The following DMC1 variants were observed in gnomAD, a reference collection of about 807,000 sequenced individuals.
The protein encoded by DMC1 is DNA meiotic recombinase 1.
A neutral mutation model predicts 50.1 loss-of-function variants in DMC1; 27 were observed. The ratio of observed to expected loss-of-function variants is 0.54; its 90% CI spans 0.40 to 0.74. DMC1 has a LOEUF of 0.74. Ranked by LOEUF, DMC1 falls within the 30% of genes least tolerant of loss-of-function variation. The pLI is 0.00. For missense variants in DMC1, 295 were observed against 420.2 expected (o/e 0.70, Z 2.60); for synonymous variants, 148 against 136.1 (o/e 1.09, Z -0.61).
chr22:38,546,672 A>C (rs2090347800), intron 8 of DMC1, among the ~76,000 whole-genome samples: 3 of 152,238 alleles, frequency 2.0e-5, no homozygotes, highest in Admixed American at 2.0e-4. Flanking sequence ...ATTCTATAAT[A>C]GGTCAAGAAG....
chr22:38,537,214 T>A (rs2090223471), intron 12 of DMC1, among the ~76,000 whole-genome samples: 1 of 148,152 alleles, frequency 6.7e-6, no homozygotes, highest in Non-Finnish European at 1.5e-5. Flanking sequence ...ATTCTTTTCT[T>A]TTTTCTTTTT....
intron 12 of DMC1, among the ~76,000 whole-genome samples, chr22:38,526,755 G>A (rs1454473635): frequency 6.6e-6 from 1 of 151,856 alleles, no homozygotes; most frequent in Non-Finnish European, 1.5e-5. Context: ...CCCTTTGCTT[G>A]GATTCCATAT....
At chr22:38,532,318 CT>C (rs1334815968) in intron 12 of DMC1, among the ~76,000 whole-genome samples, 1,753 of 139,528 alleles carry the variant, frequency 0.013, 24 homozygotes, top group African/African-American at 0.04. Flanking sequence ...TATTGTCTTT[CT>C]TTTTTTTTTT....
chr22:38,563,777 G>A (rs1049337335), intron 4 of DMC1, among the ~76,000 whole-genome samples: 6 of 151,350 alleles, frequency 4.0e-5, no homozygotes, highest in African/African-American at 1.5e-4. Flanking sequence ...TCAGCTCACT[G>A]CAAGCTCCAC....
intron 4 of DMC1, 35 bp downstream of exon 4, chr22:38,566,555 C>A (rs994683711): frequency 6.2e-7 from 1 of 1,613,082 alleles, no homozygotes; most frequent in South Asian, 1.1e-5. Flanking sequence ...CAAGGCCCTG[C>A]CAAGCTAAAA....
At chr22:38,530,350 A>AC (rs11570428) in intron 12 of DMC1, among the ~76,000 whole-genome samples, 3,421 of 152,244 alleles carry the variant, frequency 0.022, 50 homozygotes, top group Middle Eastern at 0.051. Context: ...GTGGTTAAAA[A>AC]AAAAAGGGTA....
the DMC1 span, among the ~76,000 whole-genome samples, chr22:38,510,356 G>A: frequency 6.6e-6 from 1 of 152,318 alleles, no homozygotes; most frequent in East Asian, 1.9e-4. Context: ...TCGAGAGCCT[G>A]AGGCAGGAGA....
chr22:38,520,811 C>T lies in DMC1; in HGVS notation c.954-722G>A, dbSNP rs191417086. Among the ~76,000 whole-genome samples, 39 of 152,072 alleles carry T rather than the reference C, an allele frequency of 2.6e-4. No individual in the cohort carries two copies. The East Asian group carries it at 6.8e-3, about 26-fold the overall frequency. On this transcript the variant is annotated intron_variant, in intron 13 of 13. Transcript: ENST00000216024. ...AAATAAATTAAAAGATTACTGAGTA[C>T]CTTCCATGGAAACATAGGTTGTCTA...
chr22:38,554,573 C>T (rs2090449118), intron 6 of DMC1, among the ~76,000 whole-genome samples: 1 of 151,884 alleles, frequency 6.6e-6, no homozygotes. Flanking sequence ...TGCAGTGGCT[C>T]ATGCCTGTAA....
At chr22:38,559,680 AT>A (rs200890683) in intron 5 of DMC1, among the ~76,000 whole-genome samples, 3,748 of 152,204 alleles carry the variant, frequency 0.025, 68 homozygotes, top group Non-Finnish European at 0.036. Flanking sequence ...AAGAGACAGA[AT>A]TTTTTTCTCT....
At chr22:38,539,280 C>A (rs765782088) in intron 9 of DMC1, 41 bp downstream of exon 9, 5 of 1,437,140 alleles carry the variant, frequency 3.5e-6, no homozygotes, top group African/African-American at 2.8e-5. Flanking sequence ...GTGCTGCCAA[C>A]CTTACATTGA....
intron 8 of DMC1, among the ~76,000 whole-genome samples, chr22:38,545,593 T>C (rs1276643447): frequency 6.6e-6 from 1 of 152,048 alleles, no homozygotes; most frequent in South Asian, 2.1e-4. Context: ...GGCTAATTTT[T>C]TGTATTTTTA....
At chr22:38,528,551 T>C (rs953169994) in intron 12 of DMC1, among the ~76,000 whole-genome samples, 2 of 151,834 alleles carry the variant, frequency 1.3e-5, no homozygotes, top group African/African-American at 2.4e-5. Flanking sequence ...GGTGGGCAGA[T>C]TGCTTGTTTG....
chr22:38,514,666 G>A (rs2145738905), downstream of DMC1, among the ~76,000 whole-genome samples: 1 of 152,262 alleles, frequency 6.6e-6, no homozygotes, highest in East Asian at 1.9e-4. Context: ...GTGACCTCTG[G>A]TTGTCCTCAT....
intron 5 of DMC1, among the ~76,000 whole-genome samples, chr22:38,557,250 A>C (rs1229319094): frequency 6.6e-6 from 1 of 152,178 alleles, no homozygotes; most frequent in Non-Finnish European, 1.5e-5. Flanking sequence ...AGGTAACCCC[A>C]AAATTTACCT....
chr22:38,534,639 G>A (rs1466903431), intron 12 of DMC1, among the ~76,000 whole-genome samples: 1 of 151,792 alleles, frequency 6.6e-6, no homozygotes, highest in African/African-American at 2.4e-5. Flanking sequence ...GGAGGCAGAG[G>A]TTGCAGTGAG....
At chr22:38,521,179 G>T (rs2090020704) in intron 13 of DMC1, among the ~76,000 whole-genome samples, 1 of 152,088 alleles carries the variant, frequency 6.6e-6, no homozygotes, top group African/African-American at 2.4e-5. Context: ...AACAAATAGA[G>T]TTAACCTGGC....
intron 5 of DMC1, among the ~76,000 whole-genome samples, chr22:38,559,492 C>A (rs1003586784): frequency 6.6e-6 from 1 of 152,096 alleles, no homozygotes; most frequent in African/African-American, 2.4e-5. Context: ...TGTGTCACTG[C>A]AGGATTTCAC....
chr22:38,553,551 C>T (rs12160758), intron 6 of DMC1, among the ~76,000 whole-genome samples: 3,350 of 149,916 alleles, frequency 0.022, 120 homozygotes, highest in African/African-American at 0.078. Context: ...GGGTAAAGTG[C>T]GGTGACTCAC....
Sources: gnomAD v4.1 joint callset for allele counts (sites outside exome capture counted in the v4.1 genomes callset) on GRCh38, gnomAD v4.1.1 for gene constraint, MANE v1.5 for transcripts, NCBI Gene and HGNC (gene_info 2026-07-23, HGNC 2026-07-21) for gene names.